PCDHA1: variants seen among roughly 807,000 people sequenced by gnomAD.
PCDHA1 encodes protocadherin alpha 1.
A neutral mutation model predicts 61.3 loss-of-function variants in PCDHA1; 42 were observed. The ratio of observed to expected loss-of-function variants is 0.69; its 90% CI spans 0.54 to 0.89. The LOEUF (loss-of-function observed/expected upper bound fraction) is 0.89. Among genes scored for constraint, PCDHA1 ranks in the 40% least tolerant of loss-of-function variants. PCDHA1 has a pLI of 0.00. For synonymous variants in PCDHA1, 610 were observed against 553.8 expected (o/e 1.10, Z -1.43); for missense variants, 1,256 against 1,235.3 (o/e 1.02, Z -0.25).
At chr5:140,824,747 A>C (rs1768347679) in intron 1 of PCDHA1, 1 of 151,386 alleles carries the variant, frequency 6.6e-6, no homozygotes, top group South Asian at 2.1e-4. Flanking sequence ...GGATTGAGCA[A>C]GAGTGCCTGG....
intron 1 of PCDHA1, chr5:140,823,610 C>T: frequency 6.2e-7 from 1 of 1,614,002 alleles, no homozygotes; most frequent in Non-Finnish European, 8.5e-7. Flanking sequence ...GAGCTGCAGC[C>T]AGCGCCTGGC....
intron 1 of PCDHA1, among the ~76,000 whole-genome samples, chr5:140,943,664 T>G (rs1404337303): frequency 6.6e-6 from 1 of 151,998 alleles, no homozygotes; most frequent in Non-Finnish European, 1.5e-5. Flanking sequence ...GAACAATGTA[T>G]AAAGTGTGAA....
At chr5:141,002,726 A>C (rs1488452359) in intron 3 of PCDHA1, among the ~76,000 whole-genome samples, 1 of 152,250 alleles carries the variant, frequency 6.6e-6, no homozygotes, top group Non-Finnish European at 1.5e-5. Context: ...GGAAGGGCAC[A>C]GTAAATGTTA....
In PCDHA1 at chr5:140,877,219, C is replaced by T. The variant is rs200698690; in HGVS notation, c.2394+88535C>T. 9 of 1,613,720 alleles carry T rather than the reference C, an allele frequency of 5.6e-6. No homozygotes were observed. Among genetic ancestry groups the T allele is most frequent in the East Asian group, 4.5e-5 (2 of 44,860 alleles). Reference sequence around the variant, plus strand: ...AGGCGCAGTTAGCGAGTTGGTACCGCGGTCGGTGGGTGCGGGCCACGTGGT... The same window carrying T: ...AGGCGCAGTTAGCGAGTTGGTACCGTGGTCGGTGGGTGCGGGCCACGTGGT... On this transcript the variant is annotated intron_variant, in intron 1 of 3. Transcript: ENST00000504120.
chr5:140,822,753 A>T (rs1554128874), intron 1 of PCDHA1: 2 of 1,613,818 alleles, frequency 1.2e-6, no homozygotes, highest in South Asian at 2.2e-5. Context: ...ATAAAAGTAC[A>T]TTCCCATTAT....
rs1761289769 is a variant in PCDHA1 at position 140,786,158 on chromosome 5, A to G, written c.-133A>G. On this transcript the variant is annotated 5_prime_UTR_variant, in exon 1 of 4. Coordinates refer to ENST00000504120, the MANE Select transcript of PCDHA1 (RefSeq NM_018900.4). ...GGGAGCTACTGATCACTAAAAGTGAAGGAGGAAGCTCCATTTTGTCACCGC... is the reference window on the plus strand; with the variant it reads ...GGGAGCTACTGATCACTAAAAGTGAGGGAGGAAGCTCCATTTTGTCACCGC... 1.7e-6 allele frequency: 2 copies of G among 1,153,264 alleles called. No individual in the cohort carries two copies. The highest frequency in any genetic ancestry group is 2.3e-5 in the Admixed American group (1 of 43,062). 71.4% of individuals were successfully genotyped at this position (1,153,264 alleles called of 1,614,324 possible). A position where few individuals can be genotyped will look rare whatever the true frequency, so the allele number is the denominator to read the frequency against.
intron 1 of PCDHA1, chr5:140,857,675 C>T (rs1343696069): frequency 3.1e-6 from 5 of 1,596,928 alleles, no homozygotes; most frequent in Admixed American, 3.4e-5. Context: ...GGGCGTGCCG[C>T]CTCTGGGCAG....
In PCDHA1 at chr5:140,856,006, T is replaced by C. The variant is rs782149074; in HGVS notation, c.2394+67322T>C. ...AAAATGTCAGATCGTATGTGCGTTC[T>C]AGACCGCTGATTCGTCGATTTGTAA... is the stretch of plus-strand genomic sequence containing the variant. On this transcript the variant is annotated intron_variant, in intron 1 of 3. Coordinates refer to ENST00000504120, the MANE Select transcript of PCDHA1 (RefSeq NM_018900.4). The C allele has an allele frequency of 9.1e-6, 14 of 1,540,444 alleles. No individual in the cohort carries two copies. The African/African-American group carries it at 1.4e-4, about 15-fold the overall frequency.
Position 140,821,905 on chromosome 5 carries a change from G to A in PCDHA1, c.2394+33221G>A, listed in dbSNP as rs2150111828. The stretch of plus-strand genomic sequence containing the variant: ...GGAGGAAGCCAAACACGGAACCTTC[G>A]TTGGCCGCATCGCGCAGGACCTAGG... On this transcript the variant is annotated intron_variant, in intron 1 of 3. Transcript: ENST00000504120. 12 of 1,614,120 alleles carry A rather than the reference G, an allele frequency of 7.4e-6. No homozygotes were observed. The African/African-American group carries it at 9.3e-5, about 13-fold the overall frequency.
intron 1 of PCDHA1, chr5:140,926,742 C>A: frequency 8.3e-7 from 1 of 1,199,336 alleles, no homozygotes; most frequent in Non-Finnish European, 1.1e-6. Flanking sequence ...GGAGGCGCAA[C>A]GTCGGCGGTC....
intron 1 of PCDHA1, among the ~76,000 whole-genome samples, chr5:140,971,749 CAT>C (rs143190557): frequency 0.047 from 7,111 of 152,104 alleles, 190 homozygotes; most frequent in Non-Finnish European, 0.062. Context: ...ACATATATCT[CAT>C]ATTACTGAAT....
At chr5:140,922,993 T>A (rs2081107625) in intron 1 of PCDHA1, among the ~76,000 whole-genome samples, 1 of 152,054 alleles carries the variant, frequency 6.6e-6, no homozygotes, top group Non-Finnish European at 1.5e-5. Context: ...AGGCAAGCCA[T>A]GAGAATGGTT....
At chr5:140,982,191 T>C (rs1431582069) in intron 2 of PCDHA1, among the ~76,000 whole-genome samples, 2 of 152,266 alleles carry the variant, frequency 1.3e-5, no homozygotes, top group Non-Finnish European at 2.9e-5. Flanking sequence ...ATGGGCTTCC[T>C]GTTAGATTTA....
In PCDHA1 at chr5:141,010,171, A is replaced by G. The variant is rs2098416277; in HGVS notation, c.*234A>G. On this transcript the variant is annotated 3_prime_UTR_variant, in exon 4 of 4. Transcript: ENST00000504120. ...CCACTCTGGCTTGTTTTCAGAACCTAAAAAGCAGACCCAAGTTTCCTTTCT... is the reference window on the plus strand; with the variant it reads ...CCACTCTGGCTTGTTTTCAGAACCTGAAAAGCAGACCCAAGTTTCCTTTCT... The G allele has an allele frequency of 3.2e-6, 5 of 1,559,030 alleles. No individual in the cohort carries two copies. Among genetic ancestry groups the G allele is most frequent in the Non-Finnish European group, 4.3e-6 (5 of 1,150,704 alleles).
rs2150382245 is a variant in PCDHA1, at chr5:140,845,891, G to A, written c.2394+57207G>A. On this transcript the variant is annotated intron_variant, in intron 1 of 3. Coordinates refer to ENST00000504120, the MANE Select transcript of PCDHA1 (RefSeq NM_018900.4). ...AGGCAACCTAAAATGTCAGAAAGTC[G>A]TTATGGCCTTCCATATTAATCTTAT... 6.7e-5 allele frequency among the ~76,000 whole-genome samples: 10 copies of A among 149,728 alleles called. 1 individual carries two copies. Among genetic ancestry groups the A allele is most frequent in the East Asian group, 3.9e-4 (2 of 5,176 alleles).
chr5:140,847,832 C>T (rs1426202743), intron 1 of PCDHA1: 2 of 149,636 alleles, frequency 1.3e-5, no homozygotes, highest in Non-Finnish European at 3.0e-5. Context: ...AGAAAACTAC[C>T]TCAGTTGGTT....
intron 1 of PCDHA1, among the ~76,000 whole-genome samples, chr5:140,964,823 G>A (rs541084771): frequency 2.6e-5 from 4 of 152,218 alleles, no homozygotes; most frequent in Non-Finnish European, 1.5e-5. Context: ...AGATTTTGAT[G>A]AAAATTGCTT....
chr5:140,993,462 T>TCACACACACACACA (rs3836747), intron 3 of PCDHA1, among the ~76,000 whole-genome samples: 3 of 140,938 alleles, frequency 2.1e-5, no homozygotes, highest in African/African-American at 5.3e-5. Flanking sequence ...TCTTTCTTTC[T>TCACACACACACACA]CACACACACA....
intron 1 of PCDHA1, among the ~76,000 whole-genome samples, chr5:140,966,046 G>A (rs1329363755): frequency 6.6e-6 from 1 of 152,212 alleles, no homozygotes. Context: ...CCCATCGCCA[G>A]TAACCCCAGA....
Sources: allele counts gnomAD v4.1 joint callset (sites outside exome capture counted in the v4.1 genomes callset), GRCh38; gene constraint gnomAD v4.1.1; transcripts MANE v1.5; gene names NCBI Gene and HGNC (gene_info 2026-07-23, HGNC 2026-07-21).